EPHA6: variants seen among roughly 807,000 people sequenced by gnomAD.
The protein encoded by EPHA6 is ephrin type-A receptor 6.
In EPHA6, 50 loss-of-function variants were observed where a neutral mutation model predicts 112.0. That is an observed-to-expected ratio of 0.45 (90% confidence interval 0.36 to 0.56). The LOEUF is 0.56. Ranked by LOEUF, EPHA6 falls within the 20% of genes least tolerant of loss-of-function variation. EPHA6 has a pLI of 0.00. For synonymous variants in EPHA6, 529 were observed against 490.7 expected, an observed-to-expected ratio of 1.08 and a Z score of -1.03; for missense variants, 1,280 against 1,417.4, an observed-to-expected ratio of 0.90 and a Z score of 1.56.
chr3:96,947,813 G>T (rs1442298503), intron 2 of EPHA6, among the ~76,000 whole-genome samples: 1 of 152,050 alleles, frequency 6.6e-6, no homozygotes, highest in Admixed American at 6.6e-5. Flanking sequence ...CATGAAAATG[G>T]CCATACTGCC....
chr3:97,254,537 A>G (rs1460081649), intron 5 of EPHA6, among the ~76,000 whole-genome samples: 1 of 150,460 alleles, frequency 6.6e-6, no homozygotes, highest in African/African-American at 2.5e-5. Context: ...ATTATTTCCT[A>G]AAATAAATTA....
intron 10 of EPHA6, among the ~76,000 whole-genome samples, chr3:97,487,277 A>C (rs1293594276): frequency 6.6e-6 from 1 of 152,238 alleles, no homozygotes; most frequent in Non-Finnish European, 1.5e-5. Flanking sequence ...TCAGATTTCT[A>C]GTTGGAAAAG....
At chr3:97,277,456 G>A (rs2080129947) in intron 5 of EPHA6, among the ~76,000 whole-genome samples, 1 of 152,076 alleles carries the variant, frequency 6.6e-6, no homozygotes, top group Non-Finnish European at 1.5e-5. Flanking sequence ...CTTTTGTGGT[G>A]GAATGTCATT....
At chr3:97,125,945 G>T (rs2048170977) in intron 3 of EPHA6, among the ~76,000 whole-genome samples, 1 of 152,110 alleles carries the variant, frequency 6.6e-6, no homozygotes. Context: ...ACTGAGAAAT[G>T]ACTTCGATCA....
At chr3:97,218,158 C>A (rs1055348549) in intron 3 of EPHA6, among the ~76,000 whole-genome samples, 4 of 151,914 alleles carry the variant, frequency 2.6e-5, no homozygotes, top group African/African-American at 9.7e-5. Context: ...GTAGTCCCAG[C>A]TACTTGGAAG....
chr3:97,376,417 C>G (rs1242421524), intron 5 of EPHA6, among the ~76,000 whole-genome samples: 1 of 152,158 alleles, frequency 6.6e-6, no homozygotes, highest in Non-Finnish European at 1.5e-5. Context: ...GTTCCAGTTT[C>G]TCTTTATCTA....
At chr3:97,198,930 C>T (rs895842204) in intron 3 of EPHA6, among the ~76,000 whole-genome samples, 10 of 152,080 alleles carry the variant, frequency 6.6e-5, no homozygotes, top group Non-Finnish European at 2.9e-5. Flanking sequence ...ATGGCATTTA[C>T]TTGACATGCT....
intron 5 of EPHA6, among the ~76,000 whole-genome samples, chr3:97,363,200 AT>A (rs2084483306): frequency 3.0e-5 from 2 of 65,872 alleles, no homozygotes; most frequent in Admixed American, 2.7e-4. Flanking sequence ...ATATATATAT[AT>A]ATATATATAT....
intron 3 of EPHA6, among the ~76,000 whole-genome samples, chr3:97,059,560 G>A (rs539057362): frequency 4.0e-5 from 6 of 151,672 alleles, no homozygotes; most frequent in African/African-American, 1.5e-4. Flanking sequence ...TTTCACCTAT[G>A]CATTCCTGAG....
At position 97,512,860 on chromosome 3, in the gene EPHA6, T is replaced by C. The variant is rs150606812; in HGVS notation, c.2201-19498T>C. Among the ~76,000 whole-genome samples the C allele has an allele frequency of 6.5e-3, 993 of 152,298 alleles. 12 individuals carry two copies. Among genetic ancestry groups the C allele is most frequent in the African/African-American group, 0.022 (914 of 41,572 alleles). On this transcript the variant is annotated intron_variant, in intron 10 of 17. Transcript: ENST00000389672. ...GGTTACAGATGTGAGCTGCCGCGTCTGGCCCAATACTGATTGTTTTTATTT... is the reference window on the plus strand; with the variant it reads ...GGTTACAGATGTGAGCTGCCGCGTCCGGCCCAATACTGATTGTTTTTATTT...
chr3:97,303,107 G>A (rs920041434), intron 5 of EPHA6, among the ~76,000 whole-genome samples: 5 of 151,824 alleles, frequency 3.3e-5, no homozygotes, highest in African/African-American at 1.2e-4. Context: ...TTTAAAAAGT[G>A]TTAGACAACT....
At chr3:96,912,292 T>C (rs574075995) in intron 2 of EPHA6, among the ~76,000 whole-genome samples, 193 of 152,206 alleles carry the variant, frequency 1.3e-3, no homozygotes, top group Non-Finnish European at 2.4e-3. Flanking sequence ...TTGAAGTGAA[T>C]AAAATGACTG....
chr3:97,362,570 T>C (rs970242012), intron 5 of EPHA6, among the ~76,000 whole-genome samples: 2 of 152,080 alleles, frequency 1.3e-5, no homozygotes, highest in African/African-American at 2.4e-5. Context: ...GAAAGTGTAA[T>C]TGTTATTATT....
chr3:97,707,815 T>C (rs2033761107), intron 14 of EPHA6, among the ~76,000 whole-genome samples: 1 of 152,162 alleles, frequency 6.6e-6, no homozygotes, highest in Admixed American at 6.5e-5. Flanking sequence ...TCATGAGATC[T>C]GATGGTTTAA....
chr3:97,677,947 C>T lies in EPHA6; in HGVS notation c.2784+39865C>T, dbSNP rs114476989. Among the ~76,000 whole-genome samples, 1,105 of 151,992 alleles carry T rather than the reference C, an allele frequency of 7.3e-3. 16 individuals are homozygous for T. The highest frequency in any genetic ancestry group is 0.025 in the African/African-American group (1,027 of 41,422). ...AATATGAATTAAGGGGACATTAATT[C>T]GTATTAATGTTCACATTCAGGACAA... On this transcript the variant is annotated intron_variant, in intron 14 of 17. Coordinates refer to ENST00000389672, the MANE Select transcript of EPHA6 (RefSeq NM_001080448.3).
intron 3 of EPHA6, among the ~76,000 whole-genome samples, chr3:97,219,315 G>T (rs1014483555): frequency 6.6e-6 from 1 of 152,122 alleles, no homozygotes; most frequent in African/African-American, 2.4e-5. Context: ...CATTGCTCTA[G>T]TAGAGGTTCT....
At chr3:97,526,993 T>C (rs1319207347) in intron 10 of EPHA6, among the ~76,000 whole-genome samples, 1 of 152,066 alleles carries the variant, frequency 6.6e-6, no homozygotes, top group Non-Finnish European at 1.5e-5. Context: ...GTCCTGGTAG[T>C]ATAGATGGGT....
intron 5 of EPHA6, among the ~76,000 whole-genome samples, chr3:97,395,969 T>G (rs1213574297): frequency 6.6e-6 from 1 of 151,708 alleles, no homozygotes; most frequent in Non-Finnish European, 1.5e-5. Flanking sequence ...AGGAAGACAG[T>G]GATTCCATAT....
chr3:97,032,125 G>T (rs896874650), intron 3 of EPHA6, among the ~76,000 whole-genome samples: 48 of 152,036 alleles, frequency 3.2e-4, no homozygotes, highest in Non-Finnish European at 5.6e-4. Flanking sequence ...CCATAAAAAA[G>T]GATGAGTTCA....
Sources: allele counts gnomAD v4.1 joint callset (sites outside exome capture counted in the v4.1 genomes callset), GRCh38; gene constraint gnomAD v4.1.1; transcripts MANE v1.5; gene names NCBI Gene and HGNC (gene_info 2026-07-23, HGNC 2026-07-21).